NMNAT3: variants seen among roughly 807,000 people sequenced by gnomAD.
The protein encoded by NMNAT3 is nicotinamide nucleotide adenylyltransferase 3.
A neutral mutation model predicts 24.8 loss-of-function variants in NMNAT3; 21 were observed. The observed-to-expected ratio is 0.85, with a 90% CI of 0.60 to 1.22. The LOEUF is 1.22. Ranked by LOEUF, NMNAT3 falls within the 50% of genes most tolerant of loss-of-function variation. The probability of loss-of-function intolerance (pLI) is 0.00; values close to 1 mark genes in which losing one functional copy is unlikely to be tolerated. For missense variants in NMNAT3, 387 were observed against 436.6 expected (o/e 0.89, Z 1.01); for synonymous variants, 136 against 155.2 (o/e 0.88, Z 0.92).
At chr3:139,655,678 AAGT>A (rs2057216461) in intron 1 of NMNAT3, among the ~76,000 whole-genome samples, 1 of 152,250 alleles carries the variant, frequency 6.6e-6, no homozygotes, top group South Asian at 2.1e-4. Context: ...AGAAGGAGGG[AAGT>A]AGTAAGCACT....
intron 2 of NMNAT3, among the ~76,000 whole-genome samples, chr3:139,632,236 G>A (rs1275907684): frequency 6.6e-6 from 1 of 152,096 alleles, no homozygotes; most frequent in East Asian, 1.9e-4. Context: ...AATGGAATGA[G>A]CCTTCCAGAG....
At chr3:139,664,373 A>G (rs2108436284) in intron 1 of NMNAT3, among the ~76,000 whole-genome samples, 1 of 152,348 alleles carries the variant, frequency 6.6e-6, no homozygotes, top group Non-Finnish European at 1.5e-5. Flanking sequence ...CTGTCAATCA[A>G]GATGGCTAGA....
intron 2 of NMNAT3, among the ~76,000 whole-genome samples, chr3:139,630,211 TTC>T (rs1331454547): frequency 2.0e-5 from 3 of 152,212 alleles, no homozygotes; most frequent in Non-Finnish European, 4.4e-5. Flanking sequence ...TAGATTTTGC[TTC>T]TGTCTCATTG....
chr3:139,570,956 G>T (rs295518), intron 6 of NMNAT3: 55,056 of 152,860 alleles, frequency 0.36, 10,928 homozygotes, highest in South Asian at 0.63. Flanking sequence ...GCCTTCAGAG[G>T]CAGGCAGGCC....
intron 1 of NMNAT3, among the ~76,000 whole-genome samples, chr3:139,661,160 T>C (rs892358919): frequency 6.6e-6 from 1 of 152,198 alleles, no homozygotes; most frequent in African/African-American, 2.4e-5. Flanking sequence ...TGATTGCAGA[T>C]TGACTATAAA....
intron 3 of NMNAT3, among the ~76,000 whole-genome samples, chr3:139,598,367 A>T (rs142990631): frequency 2.6e-5 from 4 of 152,186 alleles, no homozygotes. Context: ...GTTAGGTCAT[A>T]AAAATGCCAT....
intron 3 of NMNAT3, among the ~76,000 whole-genome samples, chr3:139,605,107 G>A (rs1282728133): frequency 6.6e-6 from 1 of 152,150 alleles, no homozygotes; most frequent in East Asian, 1.9e-4. Context: ...TCGAATTGCT[G>A]CAAAGTTTTT....
chr3:139,563,347 C>T (rs1398120953), intron 6 of NMNAT3, among the ~76,000 whole-genome samples: 1 of 152,098 alleles, frequency 6.6e-6, no homozygotes, highest in Non-Finnish European at 1.5e-5. Context: ...ATGTGGTCTT[C>T]CTATGGGGGA....
intron 3 of NMNAT3, among the ~76,000 whole-genome samples, chr3:139,605,510 A>G (rs983509528): frequency 1.3e-5 from 2 of 152,156 alleles, no homozygotes; most frequent in African/African-American, 4.8e-5. Flanking sequence ...TCAGCTCTAA[A>G]GTACCATCAT....
At chr3:139,634,795 C>A (rs2056439449) in intron 2 of NMNAT3, 148 bp from the exon 3 acceptor site, 1 of 152,198 alleles carries the variant, frequency 6.6e-6, no homozygotes, top group Non-Finnish European at 1.5e-5. Context: ...ATGCCATACT[C>A]ATAATTTGGG....
At chr3:139,616,216 C>T (rs917718686) in intron 3 of NMNAT3, among the ~76,000 whole-genome samples, 1 of 152,206 alleles carries the variant, frequency 6.6e-6, no homozygotes, top group Admixed American at 6.5e-5. Flanking sequence ...CTGAACTGCA[C>T]AGATGTGATT....
At chr3:139,564,128 C>T (rs1936831337) in intron 6 of NMNAT3, among the ~76,000 whole-genome samples, 1 of 152,132 alleles carries the variant, frequency 6.6e-6, no homozygotes, top group Admixed American at 6.5e-5. Flanking sequence ...GCCTATGGGC[C>T]TGTTTCTTCA....
chr3:139,561,599 C>CT (rs1457950824), intron 6 of NMNAT3, among the ~76,000 whole-genome samples: 1 of 152,170 alleles, frequency 6.6e-6, no homozygotes, highest in African/African-American at 2.4e-5. Context: ...AATCAATACA[C>CT]CTTTTGTTTA....
intron 3 of NMNAT3, among the ~76,000 whole-genome samples, chr3:139,583,908 T>C (rs2053796209): frequency 6.6e-6 from 1 of 152,232 alleles, no homozygotes; most frequent in East Asian, 1.9e-4. Context: ...CTGTTTAATG[T>C]CTTTTATCTG....
intron 3 of NMNAT3, among the ~76,000 whole-genome samples, chr3:139,598,518 C>A (rs2054576796): frequency 6.6e-6 from 1 of 152,112 alleles, no homozygotes; most frequent in Admixed American, 6.5e-5. Context: ...ATGTCCAACA[C>A]CCAGCACCAA....
chr3:139,648,283 T>C (rs2006593), intron 1 of NMNAT3, among the ~76,000 whole-genome samples: 56,808 of 152,128 alleles, frequency 0.37, 11,463 homozygotes, highest in East Asian at 0.47. Flanking sequence ...ATTGTAAGTT[T>C]CCTGAGGCCT....
intron 1 of NMNAT3, among the ~76,000 whole-genome samples, chr3:139,653,364 A>C (rs1457689226): frequency 3.3e-5 from 5 of 152,236 alleles, no homozygotes. Flanking sequence ...CTATTTAAAA[A>C]TAATGGAAAT....
chr3:139,622,865 T>C lies in NMNAT3; in HGVS notation c.109+4751A>G, dbSNP rs189410685. On this transcript the variant is annotated intron_variant, in intron 3 of 6. Transcript: ENST00000643695. The stretch of plus-strand genomic sequence containing the variant: ...TATATATATTATATATATATATATA[T>C]AAACAGTATACTTTTATAGGGCACT... 3.0e-3 allele frequency among the ~76,000 whole-genome samples: 435 copies of C among 144,858 alleles called. 5 individuals are homozygous for C. The highest frequency in any genetic ancestry group is 0.026 in the Admixed American group (368 of 14,220).
intron 3 of NMNAT3, among the ~76,000 whole-genome samples, chr3:139,593,413 G>C (rs921192509): frequency 2.6e-5 from 4 of 152,072 alleles, no homozygotes; most frequent in African/African-American, 7.2e-5. Context: ...GAGACAGAAA[G>C]TTAACAAGGA....
Sources: gnomAD v4.1 joint callset for allele counts (sites outside exome capture counted in the v4.1 genomes callset) on GRCh38, gnomAD v4.1.1 for gene constraint, MANE v1.5 for transcripts, NCBI Gene and HGNC (gene_info 2026-07-23, HGNC 2026-07-21) for gene names.